The following MYO1E variants were observed in gnomAD, a reference collection of about 807,000 sequenced individuals.
MYO1E encodes unconventional myosin-Ie.
Under a neutral mutation model 151.1 loss-of-function variants are expected in MYO1E, and 68 were observed. That is an observed-to-expected ratio of 0.45 (90% CI 0.37 to 0.55). The LOEUF (loss-of-function observed/expected upper bound fraction) is 0.55. Among genes scored for constraint, MYO1E ranks in the 20% least tolerant of loss-of-function variants. The probability of loss-of-function intolerance (pLI) is 0.00; values close to 1 mark genes in which losing one functional copy is unlikely to be tolerated. For synonymous variants in MYO1E, 601 were observed against 501.7 expected (o/e 1.20, Z -2.64); for missense variants, 1,363 against 1,389.3 (o/e 0.98, Z 0.30).
At chr15:59,167,939 A>C (rs2079571522) in intron 22 of MYO1E, among the ~76,000 whole-genome samples, 1 of 152,050 alleles carries the variant, frequency 6.6e-6, no homozygotes, top group African/African-American at 2.4e-5. Flanking sequence ...TCGGCCTCCC[A>C]AAGTGCTGGG....
rs545343157 is a variant in MYO1E at position 59,233,428 on chromosome 15, A to G, written c.421-1637T>C. On this transcript the variant is annotated intron_variant, in intron 5 of 27. Transcript: ENST00000288235. ...CGCCTGTAATCCCAGCACTTTGGGA[A>G]GCCAAGGCGGGCGGATCATGAGGTC... Among the ~76,000 whole-genome samples, 160 of 152,102 alleles carry G rather than the reference A, an allele frequency of 1.1e-3. 1 individual carries two copies. The highest frequency in any genetic ancestry group is 3.6e-3 in the African/African-American group (151 of 41,518).
chr15:59,235,750 A>G (rs1457623520), intron 5 of MYO1E, among the ~76,000 whole-genome samples: 8 of 152,214 alleles, frequency 5.3e-5, no homozygotes, highest in Admixed American at 4.6e-4. Context: ...TTTTGCTGAA[A>G]TGTTCTTCAT....
At chr15:59,255,209 G>T (rs2080187168) in intron 4 of MYO1E, among the ~76,000 whole-genome samples, 1 of 151,922 alleles carries the variant, frequency 6.6e-6, no homozygotes, top group South Asian at 2.1e-4. Context: ...TGACTTCCCT[G>T]GCTCAAGTGA....
chr15:59,189,004 T>TCTAAATTTCAATTTAG, intron 17 of MYO1E, among the ~76,000 whole-genome samples: 1 of 152,234 alleles, frequency 6.6e-6, no homozygotes, highest in Non-Finnish European at 1.5e-5. Flanking sequence ...TTCAAGTGTG[T>TCTAAATTTCAATTTAG]ACATTAAAAA....
In MYO1E at chr15:59,208,819, A is replaced by T; in HGVS notation, c.1392T>A (p.Asp464Glu). 6.2e-7 allele frequency: 1 copy of T among 1,614,210 alleles called. No individual in the cohort carries two copies. Among genetic ancestry groups the T allele is most frequent in the Non-Finnish European group, 8.5e-7 (1 of 1,180,036 alleles). ...CCGCATGCATCGTGGCGCACACGTC[A>T]TCCAGGATGCTCATGATGCCAGGAG... ...VNPPGIMSIL[D>E]DVCATMHAVG... is the part of the protein sequence containing the mutation. The change falls in exon 14 of 28, where the codon GAT becomes GAA. Residue 464 changes from aspartate to glutamate, a missense_variant. Coordinates refer to ENST00000288235, the MANE Select transcript of MYO1E (RefSeq NM_004998.4).
chr15:59,301,445 T>C (rs1057254063), intron 1 of MYO1E, among the ~76,000 whole-genome samples: 1 of 152,220 alleles, frequency 6.6e-6, no homozygotes, highest in Non-Finnish European at 1.5e-5. Flanking sequence ...TGTGCAATCC[T>C]GAAAGCCAGC....
At chr15:59,360,298 G>A (rs1418777394) in intron 1 of MYO1E, among the ~76,000 whole-genome samples, 1 of 152,064 alleles carries the variant, frequency 6.6e-6, no homozygotes, top group Non-Finnish European at 1.5e-5. Flanking sequence ...ATATGGAATT[G>A]ACACAGGGTT....
At chr15:59,344,247 G>T (rs1164234466) in intron 1 of MYO1E, among the ~76,000 whole-genome samples, 1 of 152,254 alleles carries the variant, frequency 6.6e-6, no homozygotes, top group Non-Finnish European at 1.5e-5. Flanking sequence ...CCCAAGCCCA[G>T]TAACACTGTA....
chr15:59,240,457 C>G (rs2080093257), intron 4 of MYO1E, among the ~76,000 whole-genome samples: 1 of 152,008 alleles, frequency 6.6e-6, no homozygotes, highest in African/African-American at 2.4e-5. Context: ...AAAGAATGTT[C>G]TGGGGAAAAA....
chr15:59,163,589 T>TA (rs1311408225), intron 22 of MYO1E, among the ~76,000 whole-genome samples: 84 of 151,562 alleles, frequency 5.5e-4, no homozygotes, highest in Non-Finnish European at 6.5e-4. Flanking sequence ...TAGCCCATAT[T>TA]AAAAAAAAAT....
rs2042851050 is a variant in MYO1E at position 59,159,587 on chromosome 15, C to T, written c.2786-1208G>A. 1.3e-5 allele frequency among the ~76,000 whole-genome samples: 2 copies of T among 152,236 alleles called. 1 individual carries two copies. Among genetic ancestry groups the T allele is most frequent in the South Asian group, 4.1e-4 (2 of 4,830 alleles). On this transcript the variant is annotated intron_variant, in intron 24 of 27. Transcript: ENST00000288235. This position sits in a 1 kb window ranked among gnomAD's most constrained non-coding sequence, Gnocchi z 4.4. ...TCAGGTTTGCGGATAATAATGATTT[C>T]CTGCCACTCCCTTTCCCTGGGTCCC... is the stretch of plus-strand genomic sequence containing the variant.
At chr15:59,294,611 A>T (rs1348268010) in intron 1 of MYO1E, among the ~76,000 whole-genome samples, 1 of 152,182 alleles carries the variant, frequency 6.6e-6, no homozygotes, top group Non-Finnish European at 1.5e-5. Flanking sequence ...TCAAGGGAGA[A>T]CACAGGCCTT....
chr15:59,276,380 A>G (rs2080319091), intron 1 of MYO1E, among the ~76,000 whole-genome samples: 3 of 152,220 alleles, frequency 2.0e-5, no homozygotes, highest in African/African-American at 7.2e-5. Context: ...TGCATTTTAC[A>G]GCAGCTCCTG....
intron 1 of MYO1E, among the ~76,000 whole-genome samples, chr15:59,313,664 T>C (rs2080567110): frequency 6.6e-6 from 1 of 152,180 alleles, no homozygotes; most frequent in African/African-American, 2.4e-5. Context: ...TCCTGCCAAA[T>C]GAAGGCTGGA....
At chr15:59,312,758 G>A (rs993708087) in intron 1 of MYO1E, among the ~76,000 whole-genome samples, 1 of 152,134 alleles carries the variant, frequency 6.6e-6, no homozygotes, top group East Asian at 1.9e-4. Context: ...AGTGGCTCAT[G>A]CCTTGTAATC....
chr15:59,233,530 GGT>G (rs1273533652), intron 5 of MYO1E, among the ~76,000 whole-genome samples: 6 of 151,980 alleles, frequency 3.9e-5, no homozygotes, highest in African/African-American at 1.2e-4. Flanking sequence ...TGGGCATAGT[GGT>G]GCACGCCTGT....
intron 4 of MYO1E, among the ~76,000 whole-genome samples, chr15:59,244,747 G>C (rs541363187): frequency 5.9e-5 from 9 of 152,174 alleles, no homozygotes; most frequent in Admixed American, 5.9e-4. Context: ...TCAGTTTCTT[G>C]ATCTGCAAAA....
rs541380964 is a variant in MYO1E at position 59,132,807 on chromosome 15, A to T, written c.*4573T>A. ...ATGCCAAGCACTTAGTATAGCTTCTAGTGTGAAGAAGATACTTGAACATAG... is the reference window on the plus strand; with the variant it reads ...ATGCCAAGCACTTAGTATAGCTTCTTGTGTGAAGAAGATACTTGAACATAG... On this transcript the variant is annotated 3_prime_UTR_variant, in exon 28 of 28. Coordinates refer to ENST00000288235, the MANE Select transcript of MYO1E (RefSeq NM_004998.4). 6.6e-6 allele frequency: 1 copy of T among 152,316 alleles called. No homozygotes were observed. The highest frequency in any genetic ancestry group is 2.4e-5 in the African/African-American group (1 of 41,568). 9.4% of individuals were successfully genotyped at this position (152,316 alleles called of 1,614,324 possible). A position where few individuals can be genotyped will look rare whatever the true frequency, so the allele number is the denominator to read the frequency against.
chr15:59,253,092 A>G (rs2080174508), intron 4 of MYO1E, among the ~76,000 whole-genome samples: 2 of 152,238 alleles, frequency 1.3e-5, no homozygotes, highest in South Asian at 4.1e-4. Context: ...CTTGAAAAGT[A>G]TAACTGCAAT....
Sources: allele counts gnomAD v4.1 joint callset (sites outside exome capture counted in the v4.1 genomes callset), GRCh38; gene constraint gnomAD v4.1.1; non-coding constraint Gnocchi (gnomAD v3.1); transcripts MANE v1.5; gene names NCBI Gene and HGNC (gene_info 2026-07-23, HGNC 2026-07-21).